Variants in OSBPL11 observed in about 807,000 individuals in gnomAD.
The protein encoded by OSBPL11 is oxysterol-binding protein-related protein 11.
In OSBPL11, 33 loss-of-function variants were observed where a neutral mutation model predicts 84.4. The ratio of observed to expected loss-of-function variants is 0.39; its 90% CI spans 0.30 to 0.52. OSBPL11 has a LOEUF of 0.52. Ranked by LOEUF, OSBPL11 falls within the 20% of genes least tolerant of loss-of-function variation. The pLI, the probability that OSBPL11 is intolerant of heterozygous loss-of-function variation, is 0.72. For synonymous variants in OSBPL11, 276 were observed against 310.2 expected (o/e 0.89, Z 1.16); for missense variants, 736 against 901.1 (o/e 0.82, Z 2.35).
At chr3:125,541,689 C>T (rs984221685) in intron 10 of OSBPL11, among the ~76,000 whole-genome samples, 3 of 152,128 alleles carry the variant, frequency 2.0e-5, no homozygotes, top group Admixed American at 1.3e-4. Flanking sequence ...GCCATCCACC[C>T]GCCTCAACCT....
chr3:125,534,751 C>T (rs371132419), intron 11 of OSBPL11, among the ~76,000 whole-genome samples: 19 of 151,572 alleles, frequency 1.3e-4, no homozygotes, highest in African/African-American at 4.6e-4. Context: ...TGGCCCACAG[C>T]CCATTTTTGT....
intron 7 of OSBPL11, 113 bp downstream of exon 7, chr3:125,563,585 G>A: frequency 2.0e-6 from 2 of 985,338 alleles, no homozygotes; most frequent in South Asian, 1.4e-5. Flanking sequence ...ATCTTCAAGA[G>A]TGTTGCTCAG....
At chr3:125,564,123 G>A (rs1302190888) in intron 6 of OSBPL11, among the ~76,000 whole-genome samples, 1 of 152,192 alleles carries the variant, frequency 6.6e-6, no homozygotes, top group Non-Finnish European at 1.5e-5. Flanking sequence ...GAATCACGAA[G>A]TATATTCCCA....
intron 1 of OSBPL11, among the ~76,000 whole-genome samples, chr3:125,587,494 A>G (rs1936532215): frequency 6.6e-6 from 1 of 152,236 alleles, no homozygotes; most frequent in African/African-American, 2.4e-5. Context: ...AAGTATTACG[A>G]AATGGCAAGA....
At chr3:125,542,356 T>G (rs1301079825) in intron 10 of OSBPL11, among the ~76,000 whole-genome samples, 1 of 151,542 alleles carries the variant, frequency 6.6e-6, no homozygotes, top group Non-Finnish European at 1.5e-5. Flanking sequence ...TGAGATGCAG[T>G]TCCGTTCTTG....
In OSBPL11 at chr3:125,582,910, C is replaced by G; in HGVS notation, c.233G>C (p.Arg78Thr). The G allele has an allele frequency of 6.3e-7, 1 of 1,590,226 alleles. No homozygotes were observed. The highest frequency in any genetic ancestry group is 8.6e-7 in the Non-Finnish European group (1 of 1,167,888). ...ATGTGACACAAATAATCACACTTACCTGTACTGCCACCCAGTGACAAGGTT... is the reference window on the plus strand; with the variant it reads ...ATGTGACACAAATAATCACACTTACGTGTACTGCCACCCAGTGACAAGGTT... ...YTNLVTGWQY[R>T]FFVLNNEAGL... The change falls in exon 2 of 13, where the codon AGG becomes ACG. Residue 78 changes from arginine (R) to threonine (T), a missense_variant and splice_region_variant. This residue lies in a region of OSBPL11 where 114 missense variants were observed against 104.9 expected (regional missense o/e 1.09). Coordinates refer to ENST00000296220, the MANE Select transcript of OSBPL11 (RefSeq NM_022776.5).
intron 9 of OSBPL11, among the ~76,000 whole-genome samples, chr3:125,551,407 A>G (rs1935905755): frequency 6.6e-6 from 1 of 151,928 alleles, no homozygotes; most frequent in East Asian, 1.9e-4. Context: ...ATATATATGG[A>G]TGCAGGCATT....
intron 2 of OSBPL11, among the ~76,000 whole-genome samples, chr3:125,581,343 C>CG (rs1214000501): frequency 6.6e-6 from 1 of 151,718 alleles, no homozygotes; most frequent in African/African-American, 2.4e-5. Flanking sequence ...CCTCCCGCCT[C>CG]GGCCTCCCAA....
At chr3:125,542,587 C>A (rs1418337691) in intron 10 of OSBPL11, among the ~76,000 whole-genome samples, 2 of 151,546 alleles carry the variant, frequency 1.3e-5, no homozygotes, top group Non-Finnish European at 2.9e-5. Flanking sequence ...CAGCTCACTG[C>A]AAGCCCCGCC....
chr3:125,576,108 C>G, intron 5 of OSBPL11, 81 bp downstream of exon 5: 1 of 1,268,784 alleles, frequency 7.9e-7, no homozygotes, highest in Non-Finnish European at 1.1e-6. Context: ...AAGACACAAA[C>G]AGTATTTAAG....
At chr3:125,541,259 T>C (rs1237481076) in intron 10 of OSBPL11, among the ~76,000 whole-genome samples, 3 of 152,206 alleles carry the variant, frequency 2.0e-5, no homozygotes, top group Non-Finnish European at 2.9e-5. Context: ...AGGCATGGAA[T>C]GGGTCTCATC....
intron 5 of OSBPL11, among the ~76,000 whole-genome samples, chr3:125,569,324 T>A (rs2107603719): frequency 6.6e-6 from 1 of 152,118 alleles, no homozygotes; most frequent in East Asian, 1.9e-4. Flanking sequence ...CAAATCAGTG[T>A]CATATATGGA....
Position 125,552,545 on chromosome 3 carries a change from C to T in OSBPL11, c.1290G>A (p.Glu430=), listed in dbSNP as rs372914822. Residue 430 remains glutamate (E), a synonymous_variant, in exon 9 of 13, where the codon GAG becomes GAA. Coordinates refer to ENST00000296220, the MANE Select transcript of OSBPL11 (RefSeq NM_022776.5). ...CTTCATGAAATGAGGTAAGGTAGTACTCAACAAAGCGAATCATTCTGTCCT... is the reference window on the plus strand; with the variant it reads ...CTTCATGAAATGAGGTAAGGTAGTATTCAACAAAGCGAATCATTCTGTCCT... The part of the protein sequence containing the change: ...TAEDRMIRFV[E]YYLTSFHEGR... 1.2e-6 allele frequency: 2 copies of T among 1,614,128 alleles called. No individual in the cohort carries two copies. Among genetic ancestry groups the T allele is most frequent in the Non-Finnish European group, 1.7e-6 (2 of 1,180,020 alleles).
intron 5 of OSBPL11, among the ~76,000 whole-genome samples, chr3:125,575,176 T>C (rs1450567139): frequency 6.6e-6 from 1 of 151,914 alleles, no homozygotes; most frequent in East Asian, 2.0e-4. Flanking sequence ...GTAATATATA[T>C]ATTCTATATG....
At chr3:125,570,813 T>C (rs995600274) in intron 5 of OSBPL11, among the ~76,000 whole-genome samples, 5 of 152,152 alleles carry the variant, frequency 3.3e-5, no homozygotes, top group African/African-American at 9.7e-5. Flanking sequence ...ATCCAACCTC[T>C]TTTTCTGTAT....
intron 5 of OSBPL11, among the ~76,000 whole-genome samples, chr3:125,572,559 T>C (rs1936257627): frequency 6.6e-6 from 1 of 152,220 alleles, no homozygotes; most frequent in African/African-American, 2.4e-5. Flanking sequence ...TCCCATGCTG[T>C]TCTTGTGATA....
chr3:125,566,333 T>C (rs766006663), intron 6 of OSBPL11, among the ~76,000 whole-genome samples: 4 of 152,108 alleles, frequency 2.6e-5, no homozygotes, highest in Admixed American at 6.6e-5. Flanking sequence ...ACTTATTATT[T>C]ACATATTTCT....
Position 125,530,194 on chromosome 3 carries a change from G to A in OSBPL11, c.*321C>T. ...TGAGTTCTCATTGTTGTGTGTATCT[G>A]CTGCCCCTGTGCAAAAATAGGGGAT... On this transcript the variant is annotated 3_prime_UTR_variant, in exon 13 of 13. Transcript: ENST00000296220. 3.4e-6 allele frequency: 1 copy of A among 293,638 alleles called. No individual in the cohort carries two copies. Among genetic ancestry groups the A allele is most frequent in the Non-Finnish European group, 6.5e-6 (1 of 153,024 alleles). The allele number at this position is 293,638 out of a possible 1,614,324, so 18.2% of individuals were successfully genotyped here. A position where few individuals can be genotyped will look rare whatever the true frequency, so the allele number is the denominator to read the frequency against.
At chr3:125,591,241 C>G (rs1188670679) in intron 1 of OSBPL11, among the ~76,000 whole-genome samples, 1 of 152,200 alleles carries the variant, frequency 6.6e-6, no homozygotes, top group Admixed American at 6.5e-5. Context: ...AATCTTGAGT[C>G]TATTATATTA....
Sources: allele counts gnomAD v4.1 joint callset (sites outside exome capture counted in the v4.1 genomes callset), GRCh38; gene constraint gnomAD v4.1.1; regional missense constraint gnomAD v4.1.1; transcripts MANE v1.5; gene names NCBI Gene and HGNC (gene_info 2026-07-23, HGNC 2026-07-21).